Variants in TRPC7 observed in about 807,000 individuals in gnomAD.
The protein encoded by TRPC7 is transient receptor potential cation channel subfamily C member 7, also known as short transient receptor potential channel 7.
Under a neutral mutation model 90.1 loss-of-function variants are expected in TRPC7, and 42 were observed. That is an observed-to-expected ratio of 0.47 (90% CI 0.36 to 0.60). TRPC7 has a LOEUF of 0.60. TRPC7 is among the 20% of genes least tolerant of loss of function. TRPC7 has a pLI of 0.00. For synonymous variants in TRPC7, 451 were observed against 436.3 expected (o/e 1.03, Z -0.42); for missense variants, 955 against 1,112.3 (o/e 0.86, Z 2.01).
chr5:136,363,414 G>A (rs1299672725), intron 1 of TRPC7, among the ~76,000 whole-genome samples: 2 of 151,944 alleles, frequency 1.3e-5, no homozygotes, highest in African/African-American at 2.4e-5. Context: ...TGGGTTTAAG[G>A]CATTTAAGTT....
intron 3 of TRPC7, among the ~76,000 whole-genome samples, chr5:136,308,053 G>T (rs1338305495): frequency 6.6e-6 from 1 of 152,124 alleles, no homozygotes; most frequent in Non-Finnish European, 1.5e-5. Context: ...TCGGGCTCCT[G>T]GACACGACAC....
chr5:136,289,285 C>A (rs916419797), intron 3 of TRPC7, among the ~76,000 whole-genome samples: 1 of 152,204 alleles, frequency 6.6e-6, no homozygotes, highest in African/African-American at 2.4e-5. Context: ...GGGTTCATCT[C>A]ACTGGGGAGT....
intron 10 of TRPC7, among the ~76,000 whole-genome samples, chr5:136,220,191 A>G (rs1345822646): frequency 1.3e-5 from 2 of 152,216 alleles, no homozygotes; most frequent in Non-Finnish European, 2.9e-5. Context: ...AAATCAGTGC[A>G]CCTTGAAAAA....
intron 3 of TRPC7, among the ~76,000 whole-genome samples, chr5:136,312,373 C>T (rs1758860483): frequency 6.6e-6 from 1 of 152,046 alleles, no homozygotes; most frequent in African/African-American, 2.4e-5. Context: ...CCCTAGAGTC[C>T]CAAGAAAGGG....
chr5:136,357,158 A>G lies in TRPC7; in HGVS notation c.230T>C (p.Met77Thr). The change falls in exon 2 of 12, where the codon ATG (methionine) becomes ACG (threonine). Residue 77 changes from methionine to threonine, a missense_variant. Physicochemically the swap from Met to Thr is moderately conservative, Grantham distance 81. Coordinates refer to ENST00000513104, the MANE Select transcript of TRPC7 (RefSeq NM_020389.3). ...KTLNFNCVDYMGQNALQLAVG... is the reference protein window; with the variant it reads ...KTLNFNCVDYTGQNALQLAVG... ...GGCCAGCTGCAGAGCGTTCTGCCCCATGTAGTCCACACAGTTGAAGTTAAG... is the reference window on the plus strand; with the variant it reads ...GGCCAGCTGCAGAGCGTTCTGCCCCGTGTAGTCCACACAGTTGAAGTTAAG... The G allele has an allele frequency of 1.2e-6, 2 of 1,614,058 alleles. No individual in the cohort carries two copies. Among genetic ancestry groups the G allele is most frequent in the Non-Finnish European group, 1.7e-6 (2 of 1,180,008 alleles).
chr5:136,323,006 C>G (rs10479119), intron 2 of TRPC7, among the ~76,000 whole-genome samples: 3,313 of 152,164 alleles, frequency 0.022, 130 homozygotes, highest in African/African-American at 0.076. Flanking sequence ...TGGCTGTGTC[C>G]CCACCCAAAT....
intron 2 of TRPC7, among the ~76,000 whole-genome samples, chr5:136,350,736 A>G (rs1760169134): frequency 6.6e-6 from 1 of 152,344 alleles, no homozygotes; most frequent in South Asian, 2.1e-4. Context: ...AAAGGCATGC[A>G]CACTTTGACT....
At chr5:136,327,309 G>A (rs1300572626) in intron 2 of TRPC7, among the ~76,000 whole-genome samples, 1 of 152,144 alleles carries the variant, frequency 6.6e-6, no homozygotes, top group Admixed American at 6.5e-5. Context: ...AGAGAAAGGA[G>A]AAGAAGAGAA....
At chr5:136,265,270 AT>A (rs1218052421) in intron 5 of TRPC7, among the ~76,000 whole-genome samples, 2 of 152,226 alleles carry the variant, frequency 1.3e-5, no homozygotes, top group Non-Finnish European at 2.9e-5. Context: ...CATTAAGCCA[AT>A]TGAATTATTT....
intron 9 of TRPC7, among the ~76,000 whole-genome samples, 200 bp downstream of exon 9, chr5:136,225,834 A>G (rs1755608831): frequency 6.6e-6 from 1 of 152,110 alleles, no homozygotes; most frequent in Non-Finnish European, 1.5e-5. Context: ...TGCAAGGAGA[A>G]AGGAGGGTAT....
chr5:136,224,814 T>A (rs928024430), intron 10 of TRPC7, among the ~76,000 whole-genome samples: 2 of 152,212 alleles, frequency 1.3e-5, no homozygotes, highest in Non-Finnish European at 2.9e-5. Flanking sequence ...AGGGCCCAGC[T>A]GCCCTGGACC....
intron 3 of TRPC7, among the ~76,000 whole-genome samples, chr5:136,276,347 T>C (rs1262977018): frequency 6.6e-6 from 1 of 152,168 alleles, no homozygotes; most frequent in African/African-American, 2.4e-5. Flanking sequence ...AGGGACAACT[T>C]ATCAACTGAG....
At chr5:136,262,255 T>A (rs575318037) in intron 5 of TRPC7, among the ~76,000 whole-genome samples, 4 of 152,180 alleles carry the variant, frequency 2.6e-5, no homozygotes, top group African/African-American at 9.7e-5. Flanking sequence ...TGCTGAAAAC[T>A]CTCCAAAGGC....
chr5:136,265,478 C>G (rs1756992987), intron 5 of TRPC7, among the ~76,000 whole-genome samples: 1 of 151,740 alleles, frequency 6.6e-6, no homozygotes, highest in Admixed American at 6.6e-5. Context: ...TTTTTTTTAA[C>G]CAACCAGTTT....
intron 5 of TRPC7, among the ~76,000 whole-genome samples, chr5:136,257,667 A>G (rs1756728717): frequency 6.6e-6 from 1 of 152,160 alleles, no homozygotes; most frequent in Non-Finnish European, 1.5e-5. Context: ...CTTTTTTGTT[A>G]ACAAAGCTAT....
chr5:136,331,101 G>C (rs536979966), intron 2 of TRPC7, among the ~76,000 whole-genome samples: 1 of 152,064 alleles, frequency 6.6e-6, no homozygotes, highest in Non-Finnish European at 1.5e-5. Context: ...AATTCCAAAG[G>C]GGGTAGCATG....
intron 5 of TRPC7, among the ~76,000 whole-genome samples, chr5:136,257,185 CTTT>C (rs1381833657): frequency 6.5e-5 from 9 of 139,048 alleles, no homozygotes; most frequent in Non-Finnish European, 6.3e-5. Flanking sequence ...GTTTTTCTTT[CTTT>C]TTTTTTTTTT....
rs1366442478 is a variant in TRPC7 at position 136,365,295 on chromosome 5, C to A, written c.-41G>T. The A allele has an allele frequency of 1.0e-5, 16 of 1,536,868 alleles. No homozygotes were observed. Among genetic ancestry groups the A allele is most frequent in the Non-Finnish European group, 1.0e-5 (12 of 1,146,674 alleles). On this transcript the variant is annotated 5_prime_UTR_variant, in exon 1 of 12. Coordinates refer to ENST00000513104, the MANE Select transcript of TRPC7 (RefSeq NM_020389.3). ...CAGGCTTGTTCCTCCTCTAGATGACCGGAATCCGGTGTTGAGTCGCCAGAA... is the reference window on the plus strand; with the variant it reads ...CAGGCTTGTTCCTCCTCTAGATGACAGGAATCCGGTGTTGAGTCGCCAGAA...
chr5:136,331,101 G>T (rs536979966), intron 2 of TRPC7, among the ~76,000 whole-genome samples: 2 of 151,946 alleles, frequency 1.3e-5, no homozygotes, highest in South Asian at 2.1e-4. Flanking sequence ...AATTCCAAAG[G>T]GGGTAGCATG....
Sources: gnomAD v4.1 joint callset for allele counts (sites outside exome capture counted in the v4.1 genomes callset) on GRCh38, gnomAD v4.1.1 for gene constraint, MANE v1.5 for transcripts, NCBI Gene and HGNC (gene_info 2026-07-23, HGNC 2026-07-21) for gene names.